ARID4A: variants seen among roughly 807,000 people sequenced by gnomAD.
ARID4A encodes the protein AT-rich interaction domain 4A.
Under a neutral mutation model 148.6 loss-of-function variants are expected in ARID4A, and 39 were observed. The observed-to-expected ratio is 0.26, with a 90% confidence interval of 0.20 to 0.34. The LOEUF is 0.34. Among genes scored for constraint, ARID4A ranks in the 10% least tolerant of loss-of-function variants. The pLI is 1.00. For missense variants in ARID4A, 1,265 were observed against 1,449.1 expected, an observed-to-expected ratio of 0.87 and a Z score of 2.06; for synonymous variants, 475 against 481.2, an observed-to-expected ratio of 0.99 and a Z score of 0.17.
chr14:58,328,340 T>A, intron 9 of ARID4A, 24 bp downstream of exon 9: 1 of 1,475,684 alleles, frequency 6.8e-7, no homozygotes, highest in Non-Finnish European at 9.4e-7. Flanking sequence ...CCTTTAATGA[T>A]GTTACGTGGG....
chr14:58,299,171 GCCACCTCC>G (rs1460173606), intron 1 of ARID4A, among the ~76,000 whole-genome samples: 1 of 152,162 alleles, frequency 6.6e-6, no homozygotes, highest in Non-Finnish European at 1.5e-5. Context: ...CCCTGTCCGG[GCCACCTCC>G]CCTCCTCCTC....
intron 11 of ARID4A, among the ~76,000 whole-genome samples, chr14:58,343,607 T>A (rs1170643657): frequency 6.6e-6 from 1 of 152,126 alleles, no homozygotes; most frequent in Non-Finnish European, 1.5e-5. Flanking sequence ...AGTGGGCGGA[T>A]CACTTGAGGT....
intron 11 of ARID4A, among the ~76,000 whole-genome samples, 170 bp from the exon 12 acceptor site, chr14:58,344,525 A>G (rs867238822): frequency 6.6e-6 from 1 of 152,214 alleles, no homozygotes; most frequent in Non-Finnish European, 1.5e-5. Context: ...TAGACATTGT[A>G]TATCTTCATA....
chr14:58,322,980 A>AAAAAAATATATAT (rs1255021613), intron 7 of ARID4A, among the ~76,000 whole-genome samples: 2 of 114,314 alleles, frequency 1.7e-5, no homozygotes, highest in African/African-American at 7.1e-5. Flanking sequence ...AAAAAAAAAA[A>AAAAAAATATATAT]ATATATATAT....
intron 5 of ARID4A, among the ~76,000 whole-genome samples, chr14:58,315,372 G>C (rs1408431477): frequency 6.6e-6 from 1 of 151,896 alleles, no homozygotes; most frequent in Non-Finnish European, 1.5e-5. Context: ...GAAATATTTT[G>C]TTTAAAATGT....
intron 1 of ARID4A, chr14:58,299,556 A>G: frequency 1.9e-6 from 1 of 524,244 alleles, no homozygotes; most frequent in Non-Finnish European, 3.5e-6. Flanking sequence ...CAAAGTGGCC[A>G]GCGAGGCGGG....
chr14:58,318,848 A>T (rs1178848331), intron 7 of ARID4A, 43 bp downstream of exon 7: 1 of 1,498,120 alleles, frequency 6.7e-7, no homozygotes. Flanking sequence ...TACAATTATT[A>T]TAACCTTAAA....
rs921074302 is a variant in ARID4A, at chr14:58,373,863, A to G, written c.*1874A>G. On this transcript the variant is annotated 3_prime_UTR_variant, in exon 24 of 24. Transcript: ENST00000355431. ...TCAGCCTTTACAATAAAATATTTCT[A>G]CTAATTATAAAAATGAAAAAAAAAG... 6.5e-6 allele frequency: 1 copy of G among 153,262 alleles called. No homozygotes were observed. Among genetic ancestry groups the G allele is most frequent in the African/African-American group, 2.4e-5 (1 of 41,468 alleles). 9.5% of individuals were successfully genotyped at this position (153,262 alleles called of 1,614,324 possible). A position where few individuals can be genotyped will look rare whatever the true frequency, so the allele number is the denominator to read the frequency against.
intron 23 of ARID4A, among the ~76,000 whole-genome samples, chr14:58,370,304 TC>T (rs1215045913): frequency 6.6e-6 from 1 of 152,236 alleles, no homozygotes; most frequent in East Asian, 1.9e-4. Context: ...AAAAAGATTT[TC>T]TTTTTGTTGA....
At chr14:58,354,247 T>C (rs890420408) in intron 17 of ARID4A, among the ~76,000 whole-genome samples, 1 of 152,202 alleles carries the variant, frequency 6.6e-6, no homozygotes, top group Non-Finnish European at 1.5e-5. Context: ...GAGCCAGGCC[T>C]GCAACTTCCA....
In ARID4A at chr14:58,323,485, T is replaced by C. The variant is rs780434744; in HGVS notation, c.450T>C (p.Val150=). The C allele has an allele frequency of 6.2e-7, 1 of 1,606,890 alleles. No homozygotes were observed. Among genetic ancestry groups the C allele is most frequent in the Non-Finnish European group, 8.5e-7 (1 of 1,173,422 alleles). ...TNRGRRSSLP[V]TEDEKEEESS... is the part of the protein sequence containing the mutation. ...ATGATCAAGTTATTCTAACTTTTAG[T>C]ACTGAAGATGAAAAGGAAGAAGAAA... The change falls in exon 8 of 24, where the codon GTT becomes GTC. Residue 150 remains valine (V), a splice_region_variant and synonymous_variant. Coordinates refer to ENST00000355431, the MANE Select transcript of ARID4A (RefSeq NM_002892.4).
intron 11 of ARID4A, among the ~76,000 whole-genome samples, chr14:58,335,385 C>G (rs1045468016): frequency 1.3e-5 from 2 of 150,544 alleles, no homozygotes; most frequent in African/African-American, 4.9e-5. Context: ...GTGATCTCGG[C>G]TCACCACAAC....
chr14:58,339,147 A>T lies in ARID4A; in HGVS notation c.907-5548A>T, dbSNP rs537335335. Among the ~76,000 whole-genome samples, 362 of 145,742 alleles carry T rather than the reference A, an allele frequency of 2.5e-3. 1 individual carries two copies. The highest frequency in any genetic ancestry group is 6.1e-3 in the African/African-American group (244 of 39,808). The stretch of plus-strand genomic sequence containing the variant: ...CACCATGCCCGGCTAATTTATTATT[A>T]TTTTTTTTTTATAGAGACAAAGTTT... On this transcript the variant is annotated intron_variant, in intron 11 of 23. Transcript: ENST00000355431.
At position 58,323,549 on chromosome 14, in the gene ARID4A, G is replaced by T; in HGVS notation, c.514G>T (p.Asp172Tyr). Reference sequence around the variant, plus strand: ...AGATGAAGACAAGCGCCGTCTCAATGATGAATTACTAGGAAAAGTTGTAAG... The same window carrying T: ...AGATGAAGACAAGCGCCGTCTCAATTATGAATTACTAGGAAAAGTTGTAAG... ...EEDEDKRRLN[D>Y]ELLGKVVSVV... The change falls in exon 8 of 24, where the codon GAT (aspartate) becomes TAT (tyrosine). Residue 172 changes from aspartate (D) to tyrosine (Y), a missense_variant. Transcript: ENST00000355431. 1.2e-6 allele frequency: 2 copies of T among 1,614,118 alleles called. No individual in the cohort carries two copies. The highest frequency in any genetic ancestry group is 1.7e-6 in the Non-Finnish European group (2 of 1,180,012).
chr14:58,346,335 A>G (rs2096574631), intron 12 of ARID4A, 76 bp from the exon 13 acceptor site: 8 of 1,047,598 alleles, frequency 7.6e-6, no homozygotes, highest in Non-Finnish European at 1.1e-5. Context: ...GGAAATTAGA[A>G]ATTGACCGCT....
chr14:58,366,733 C>T (rs966872517), intron 22 of ARID4A, 150 bp from the exon 23 acceptor site: 5 of 527,018 alleles, frequency 9.5e-6, no homozygotes, highest in South Asian at 4.9e-5. Flanking sequence ...TTCACGACTT[C>T]CTTGTTTTCA....
intron 5 of ARID4A, among the ~76,000 whole-genome samples, chr14:58,311,916 G>C (rs1053800102): frequency 6.7e-6 from 1 of 149,832 alleles, no homozygotes. Context: ...CAGGGGTGGG[G>C]GCAGCTTGGT....
chr14:58,319,999 G>C (rs1358105048), intron 7 of ARID4A, among the ~76,000 whole-genome samples: 1 of 143,096 alleles, frequency 7.0e-6, no homozygotes, highest in South Asian at 2.2e-4. Flanking sequence ...CCAGGCTGGA[G>C]TGCAGTGGTG....
chr14:58,370,508 G>C (rs1786870785), intron 23 of ARID4A, among the ~76,000 whole-genome samples: 1 of 152,094 alleles, frequency 6.6e-6, no homozygotes, highest in Admixed American at 6.6e-5. Context: ...TGTTGACCAG[G>C]CTGGTCTCCA....
Sources: gnomAD v4.1 joint callset for allele counts (sites outside exome capture counted in the v4.1 genomes callset) on GRCh38, gnomAD v4.1.1 for gene constraint, MANE v1.5 for transcripts, NCBI Gene and HGNC (gene_info 2026-07-23, HGNC 2026-07-21) for gene names.